Variants in SLC43A1 observed in about 807,000 individuals in gnomAD.
SLC43A1 encodes the protein large neutral amino acids transporter small subunit 3.
In SLC43A1, 31 loss-of-function variants were observed where a neutral mutation model predicts 59.5. The ratio of observed to expected loss-of-function variants is 0.52; its 90% confidence interval spans 0.39 to 0.70. The LOEUF (loss-of-function observed/expected upper bound fraction) is 0.70. Ranked by LOEUF, SLC43A1 falls within the 30% of genes least tolerant of loss-of-function variation. The pLI is 0.00. For missense variants in SLC43A1, 598 were observed against 717.8 expected, an observed-to-expected ratio of 0.83 and a Z score of 1.91; for synonymous variants, 259 against 290.9, an observed-to-expected ratio of 0.89 and a Z score of 1.12.
intron 11 of SLC43A1, among the ~76,000 whole-genome samples, 155 bp from the exon 12 acceptor site, chr11:57,489,547 G>A (rs113064030): frequency 6.6e-6 from 1 of 152,088 alleles, no homozygotes; most frequent in African/African-American, 2.4e-5. Flanking sequence ...AGAAACCCAC[G>A]TTCTCTAGCT....
chr11:57,512,680 A>G (rs1043221957), intron 2 of SLC43A1, among the ~76,000 whole-genome samples: 17 of 152,044 alleles, frequency 1.1e-4, no homozygotes, highest in African/African-American at 4.1e-4. Flanking sequence ...TGGTTCTTGC[A>G]GCCACTCTTA....
At chr11:57,492,800 C>T (rs950818179) in intron 8 of SLC43A1, among the ~76,000 whole-genome samples, 12 of 144,094 alleles carry the variant, frequency 8.3e-5, no homozygotes, top group Admixed American at 2.1e-4. Context: ...CCAAAACTTT[C>T]GGAGGCTGAG....
chr11:57,509,679 A>C (rs1225120768), intron 2 of SLC43A1, among the ~76,000 whole-genome samples: 1 of 101,388 alleles, frequency 9.9e-6, no homozygotes, highest in African/African-American at 3.9e-5. Flanking sequence ...GGAAGGAGGG[A>C]GGGAGGGAGA....
intron 7 of SLC43A1, among the ~76,000 whole-genome samples, chr11:57,494,873 G>GT (rs1944031754): frequency 6.6e-6 from 1 of 150,818 alleles, no homozygotes; most frequent in Admixed American, 6.6e-5. Context: ...TTGAGACGGA[G>GT]TTTTTGATCT....
intron 13 of SLC43A1, among the ~76,000 whole-genome samples, chr11:57,488,006 G>A (rs1943790739): frequency 6.6e-6 from 1 of 152,144 alleles, no homozygotes; most frequent in Admixed American, 6.5e-5. Context: ...AGCTTGCAGG[G>A]CTTTTTAGGC....
intron 2 of SLC43A1, among the ~76,000 whole-genome samples, chr11:57,503,067 G>T (rs978601696): frequency 6.6e-6 from 1 of 152,026 alleles, no homozygotes; most frequent in Non-Finnish European, 1.5e-5. Context: ...AGGAATCTGT[G>T]TGTTGACATA....
At chr11:57,513,461 A>G (rs1455482869) in intron 2 of SLC43A1, among the ~76,000 whole-genome samples, 3 of 152,242 alleles carry the variant, frequency 2.0e-5, no homozygotes, top group Admixed American at 6.5e-5. Flanking sequence ...AAGGTGATTG[A>G]AGTGGAAACC....
At position 57,484,852 on chromosome 11, in the gene SLC43A1, G is replaced by A; in HGVS notation, c.*244C>T. 1 of 418,316 alleles carries A rather than the reference G, an allele frequency of 2.4e-6. No individual in the cohort carries two copies. Among genetic ancestry groups the A allele is most frequent in the Non-Finnish European group, 4.2e-6 (1 of 236,448 alleles). The allele number at this position is 418,316 out of a possible 1,614,324, so 25.9% of individuals were successfully genotyped here. ...TGGTCTCCTCCAACCCAAGGAGGAA[G>A]AAGGCTCAACCCCTCTAGGATAGGG... is the stretch of plus-strand genomic sequence containing the variant. On this transcript the variant is annotated 3_prime_UTR_variant, in exon 15 of 15. Transcript: ENST00000278426.
chr11:57,503,217 G>C (rs1944310584), intron 2 of SLC43A1, among the ~76,000 whole-genome samples: 1 of 152,064 alleles, frequency 6.6e-6, no homozygotes, highest in Non-Finnish European at 1.5e-5. Flanking sequence ...AAGCACTTAG[G>C]GGTTGGACCA....
At chr11:57,495,152 AC>A (rs1440109484) in intron 7 of SLC43A1, among the ~76,000 whole-genome samples, 11 of 151,918 alleles carry the variant, frequency 7.2e-5, no homozygotes, top group Admixed American at 1.3e-4. Flanking sequence ...CTGGCCCATT[AC>A]TTTTAATGGC....
intron 2 of SLC43A1, among the ~76,000 whole-genome samples, chr11:57,512,942 G>A (rs974759592): frequency 1.3e-5 from 2 of 152,126 alleles, no homozygotes; most frequent in Non-Finnish European, 2.9e-5. Flanking sequence ...TCAAGGAATC[G>A]GTTTTCTTCC....
chr11:57,512,460 C>T (rs965393591), intron 2 of SLC43A1, among the ~76,000 whole-genome samples: 4 of 151,348 alleles, frequency 2.6e-5, no homozygotes, highest in African/African-American at 9.7e-5. Context: ...GACGTGCTCG[C>T]GTGAACCCAG....
In SLC43A1 at chr11:57,514,191, G is replaced by C. The variant is rs547440788; in HGVS notation, c.-13-67C>G. On this transcript the variant is annotated intron_variant, in intron 1 of 14. Coordinates refer to ENST00000278426, the MANE Select transcript of SLC43A1 (RefSeq NM_003627.6). This position sits in a 1 kb window ranked among gnomAD's most constrained non-coding sequence, Gnocchi z 5.5. ...CCCCAGGGAAGGGTCCTGCATCATG[G>C]TGGCACCCGAGACCTCTCGGGCCAG... is the stretch of plus-strand genomic sequence containing the variant. The C allele has an allele frequency of 6.8e-7, 1 of 1,473,418 alleles. No individual in the cohort carries two copies. The highest frequency in any genetic ancestry group is 1.4e-5 in the African/African-American group (1 of 70,474). The allele number at this position is 1,473,418 out of a possible 1,614,324, so 91.3% of individuals were successfully genotyped here.
At chr11:57,501,726 G>C (rs745566698) in intron 2 of SLC43A1, among the ~76,000 whole-genome samples, 1 of 152,184 alleles carries the variant, frequency 6.6e-6, no homozygotes, top group Admixed American at 6.5e-5. Context: ...ATGGCCCGGC[G>C]TGGTAGTTCA....
chr11:57,514,244 C>T lies in SLC43A1; in HGVS notation c.-13-120G>A. ...CGCGAGGAGCCCCTCATGGAGGCCC[C>T]ATAGAGCCCTGGGCTTCCCAGCCGG... On this transcript the variant is annotated intron_variant, in intron 1 of 14. Coordinates refer to ENST00000278426, the MANE Select transcript of SLC43A1 (RefSeq NM_003627.6). This position sits in a 1 kb window ranked among gnomAD's most constrained non-coding sequence, Gnocchi z 5.5. 2 of 1,229,152 alleles carry T rather than the reference C, an allele frequency of 1.6e-6. No individual in the cohort carries two copies. Among genetic ancestry groups the T allele is most frequent in the Non-Finnish European group, 2.2e-6 (2 of 911,400 alleles). 76.1% of individuals were successfully genotyped at this position (1,229,152 alleles called of 1,614,324 possible). A position where few individuals can be genotyped will look rare whatever the true frequency, so the allele number is the denominator to read the frequency against.
chr11:57,506,758 G>C (rs922931028), intron 2 of SLC43A1, among the ~76,000 whole-genome samples: 1 of 152,142 alleles, frequency 6.6e-6, no homozygotes, highest in African/African-American at 2.4e-5. Flanking sequence ...TGAGCTTCAG[G>C]TTTCTCTTCT....
Position 57,501,005 on chromosome 11 carries a change from G to A in SLC43A1, c.371C>T (p.Ala124Val), listed in dbSNP as rs1944246154. The change falls in exon 4 of 15, where the codon GCC becomes GTC. Residue 124 changes from alanine to valine, a missense_variant. Ala to Val is a moderately conservative substitution (Grantham distance 64). Coordinates refer to ENST00000278426, the MANE Select transcript of SLC43A1 (RefSeq NM_003627.6). ...FTASCTLMAL[A>V]SRDVEALSPL... ...CAACTCACCTTCCACGTCCCGGGAG[G>A]CCAGGGCCATGAGGGTGCAGGACGC... 2 of 1,600,260 alleles carry A rather than the reference G, an allele frequency of 1.2e-6. No individual in the cohort carries two copies. The highest frequency in any genetic ancestry group is 8.5e-7 in the Non-Finnish European group (1 of 1,173,276).
Position 57,485,236 on chromosome 11 carries a change from G to T in SLC43A1, c.1540C>A (p.Leu514Met). The change falls in exon 15 of 15, where the codon CTG becomes ATG. Residue 514 changes from leucine (L) to methionine (M), a missense_variant. Transcript: ENST00000278426. ...AGGAGTGAGAATAGCAGGAGGCCCAGATTCACCTTTAGGGCAAGGAGAGAG... is the reference window on the plus strand; with the variant it reads ...AGGAGTGAGAATAGCAGGAGGCCCATATTCACCTTTAGGGCAAGGAGAGAG... ...PLKGEPFWVN[L>M]GLLLFSLLGF... is the part of the protein sequence containing the mutation. 1 of 1,612,534 alleles carries T rather than the reference G, an allele frequency of 6.2e-7. No homozygotes were observed. The highest frequency in any genetic ancestry group is 8.5e-7 in the Non-Finnish European group (1 of 1,179,152).
intron 8 of SLC43A1, among the ~76,000 whole-genome samples, 157 bp from the exon 9 acceptor site, chr11:57,492,019 C>G (rs1466961517): frequency 1.3e-5 from 2 of 152,032 alleles, no homozygotes; most frequent in African/African-American, 4.8e-5. Context: ...TCACTTGCCT[C>G]CAGGCTCTTG....
Sources: gnomAD v4.1 joint callset for allele counts (sites outside exome capture counted in the v4.1 genomes callset) on GRCh38, gnomAD v4.1.1 for gene constraint, Gnocchi (gnomAD v3.1) non-coding constraint, MANE v1.5 for transcripts, NCBI Gene and HGNC (gene_info 2026-07-23, HGNC 2026-07-21) for gene names.